The following SH2D1A variants were observed in gnomAD, a reference collection of about 807,000 sequenced individuals.
The protein encoded by SH2D1A is SH2 domain-containing protein 1A.
SH2D1A carries 6 observed loss-of-function variants against 10.1 expected under a neutral mutation model. The observed-to-expected ratio is 0.60, with a 90% CI of 0.33 to 1.18. The LOEUF (loss-of-function observed/expected upper bound fraction) is 1.18, where lower values mean the gene tolerates loss of function less well. Among genes scored for constraint, SH2D1A ranks in the 50% most tolerant of loss-of-function variants. SH2D1A has a pLI of 0.04. For missense variants in SH2D1A, 51 were observed against 97.6 expected (o/e 0.52, Z 2.01); for synonymous variants, 42 against 36.9 (o/e 1.14, Z -0.51).
intron 2 of SH2D1A, 128 bp downstream of exon 2, chrX:124,365,952 C>T: frequency 2.1e-6 from 1 of 486,958 alleles, no homozygotes; most frequent in Non-Finnish European, 3.7e-6. Context: ...AGCTCCAATC[C>T]AAAATTGTTC....
chrX:124,348,016 A>T (rs2059998399), intron 1 of SH2D1A, among the ~76,000 whole-genome samples: 1 of 111,880 alleles, frequency 8.9e-6, no homozygotes, highest in Admixed American at 9.5e-5. Flanking sequence ...CTTATGGGTC[A>T]GTGAAGAAAG....
chrX:124,357,834 T>A (rs910615485), intron 1 of SH2D1A, among the ~76,000 whole-genome samples: 2 of 110,918 alleles, frequency 1.8e-5, no homozygotes, highest in African/African-American at 6.6e-5. Flanking sequence ...ATTTTATTTT[T>A]TTTGCAATGG....
Position 124,370,281 on chromosome X carries a change from GAGA to G in SH2D1A, c.313_315del (p.Lys105del), listed in dbSNP as rs748078276. 4 of 1,199,039 alleles carry G rather than the reference GAGA, an allele frequency of 3.3e-6. No homozygotes were observed. The African/African-American group carries it at 5.3e-5, about 16-fold the overall frequency. ...TGTAATACCTCTGCAGTATCCAGTT[GAGA>G]AGAAGTCCTCAGCTAGAAGTACACA... On this transcript the variant is annotated inframe_deletion, in exon 3 of 4. Coordinates refer to ENST00000371139, the MANE Select transcript of SH2D1A (RefSeq NM_002351.5).
In SH2D1A at chrX:124,359,006, G is replaced by GTAAC. The variant is rs1351622369; in HGVS notation, c.138-6753_138-6750dup. 2.7e-5 allele frequency among the ~76,000 whole-genome samples: 3 copies of GTAAC among 111,667 alleles called. No individual in the cohort carries two copies. The East Asian group carries it at 8.4e-4, about 31-fold the overall frequency. ...AGGGGATCCTTGGTCAGTTACTTCA[G>GTAAC]TAACTTGAAAGTGAAAGATATAAAC... is the stretch of plus-strand genomic sequence containing the variant. On this transcript the variant is annotated intron_variant, in intron 1 of 3. Transcript: ENST00000371139.
chrX:124,360,069 C>T (rs1458129129), intron 1 of SH2D1A, among the ~76,000 whole-genome samples: 3 of 110,528 alleles, frequency 2.7e-5, no homozygotes. Context: ...CCACGCTAGG[C>T]TAATTTTTGT....
chrX:124,360,030 C>T (rs1024656169), intron 1 of SH2D1A, among the ~76,000 whole-genome samples: 6 of 110,178 alleles, frequency 5.4e-5, no homozygotes, highest in East Asian at 5.7e-4. Context: ...TCCAGCCTCC[C>T]GAGTAGCTGG....
intron 1 of SH2D1A, among the ~76,000 whole-genome samples, chrX:124,361,138 T>C (rs1357279203): frequency 9.0e-6 from 1 of 111,607 alleles, no homozygotes; most frequent in Non-Finnish European, 1.9e-5. Context: ...TATTTGGAGA[T>C]AGGACCTCTA....
At position 124,346,568 on chromosome X, in the gene SH2D1A, G is replaced by T; in HGVS notation, c.-75G>T. 13 of 1,145,868 alleles carry T rather than the reference G, an allele frequency of 1.1e-5. No individual in the cohort carries two copies. Among genetic ancestry groups the T allele is most frequent in the Non-Finnish European group, 1.4e-5 (12 of 836,582 alleles). The allele number at this position is 1,145,868 out of a possible 1,213,427, so 94.4% of individuals were successfully genotyped here. ...GAACTGGGAGTCAGGTGGTTGACTTGTGCCTGGCTGCAGTAGCAGCGGCAT... is the reference window on the plus strand; with the variant it reads ...GAACTGGGAGTCAGGTGGTTGACTTTTGCCTGGCTGCAGTAGCAGCGGCAT... On this transcript the variant is annotated 5_prime_UTR_variant, in exon 1 of 4. Transcript: ENST00000371139.
At chrX:124,357,875 A>C (rs748170544) in intron 1 of SH2D1A, among the ~76,000 whole-genome samples, 1 of 108,869 alleles carries the variant, frequency 9.2e-6, no homozygotes, top group Non-Finnish European at 1.9e-5. Context: ...GCTGGAGTGC[A>C]GTGGCGCGAT....
rs1386256202 is a variant in SH2D1A at position 124,348,218 on chromosome X, T to G, written c.137+1439T>G. Among the ~76,000 whole-genome samples the G allele has an allele frequency of 3.6e-5, 4 of 111,760 alleles. No homozygotes were observed. In the East Asian group the frequency reaches 1.1e-3, roughly 31 times the overall value. On this transcript the variant is annotated intron_variant, in intron 1 of 3. Coordinates refer to ENST00000371139, the MANE Select transcript of SH2D1A (RefSeq NM_002351.5). Reference sequence around the variant, plus strand: ...TTTGCTTATATAATTATTGTTCCCGTGTGGAACCTAGGGAAGGGCAATGAA... The same window carrying G: ...TTTGCTTATATAATTATTGTTCCCGGGTGGAACCTAGGGAAGGGCAATGAA...
At chrX:124,362,707 GAGA>G (rs1450904770) in intron 1 of SH2D1A, among the ~76,000 whole-genome samples, 1 of 111,730 alleles carries the variant, frequency 9.0e-6, no homozygotes, top group African/African-American at 3.3e-5. Context: ...GTATAAGTGT[GAGA>G]AGGACATGAG....
intron 1 of SH2D1A, among the ~76,000 whole-genome samples, chrX:124,363,630 G>A (rs1015761829): frequency 1.1e-4 from 12 of 110,695 alleles, no homozygotes; most frequent in African/African-American, 3.9e-4. Flanking sequence ...GTGATGGCTC[G>A]CACCTATAAT....
At chrX:124,361,415 C>T (rs2060039955) in intron 1 of SH2D1A, among the ~76,000 whole-genome samples, 1 of 111,978 alleles carries the variant, frequency 8.9e-6, no homozygotes, top group Admixed American at 9.5e-5. Context: ...CTTGTTATGG[C>T]AGCCTGAACA....
intron 1 of SH2D1A, among the ~76,000 whole-genome samples, chrX:124,348,644 T>C (rs950039753): frequency 1.8e-5 from 2 of 111,886 alleles, no homozygotes; most frequent in African/African-American, 6.5e-5. Flanking sequence ...TCCATCTCTT[T>C]ATTTTTCTTC....
At position 124,350,952 on chromosome X, in the gene SH2D1A, A is replaced by T. The variant is rs1175312452; in HGVS notation, c.137+4173A>T. On this transcript the variant is annotated intron_variant, in intron 1 of 3. Transcript: ENST00000371139. ...TATTATATATTGTATATAAGATATA[A>T]TATATTATATATTGTATATAAGATA... Among the ~76,000 whole-genome samples the T allele has an allele frequency of 7.7e-5, 5 of 64,828 alleles. 1 individual carries two copies. The Admixed American group carries it at 8.7e-4, about 11-fold the overall frequency. The allele number at this position is 64,828 out of a possible 115,157, so 56.3% of individuals were successfully genotyped here.
chrX:124,352,144 T>C (rs979201372), intron 1 of SH2D1A, among the ~76,000 whole-genome samples: 2 of 111,466 alleles, frequency 1.8e-5, no homozygotes, highest in Non-Finnish European at 3.8e-5. Context: ...AGTTTACATT[T>C]ACCTCTTTAA....
At chrX:124,347,709 A>G (rs2059997467) in intron 1 of SH2D1A, among the ~76,000 whole-genome samples, 2 of 111,547 alleles carry the variant, frequency 1.8e-5, no homozygotes, top group African/African-American at 6.5e-5. Flanking sequence ...ATGCAGTAAA[A>G]AAATTAGCAC....
At chrX:124,371,168 GT>G (rs2060068334) in intron 3 of SH2D1A, among the ~76,000 whole-genome samples, 182 bp from the exon 4 acceptor site, 1 of 111,091 alleles carries the variant, frequency 9.0e-6, no homozygotes, top group African/African-American at 3.3e-5. Context: ...TTGGCTAGTT[GT>G]TTTTTTCTGC....
chrX:124,361,254 T>A (rs769325529), intron 1 of SH2D1A, among the ~76,000 whole-genome samples: 19 of 111,740 alleles, frequency 1.7e-4, no homozygotes, highest in South Asian at 7.4e-4. Context: ...AGAGGTCATA[T>A]GAGCACACAG....
Sources: allele counts gnomAD v4.1 joint callset (sites outside exome capture counted in the v4.1 genomes callset), GRCh38; gene constraint gnomAD v4.1.1; transcripts MANE v1.5; gene names NCBI Gene and HGNC (gene_info 2026-07-23, HGNC 2026-07-21).